The following DHX35 variants were observed in gnomAD, a reference collection of about 807,000 sequenced individuals.
The protein encoded by DHX35 is probable ATP-dependent RNA helicase DHX35.
Under a neutral mutation model 99.6 loss-of-function variants are expected in DHX35, and 84 were observed. That is an observed-to-expected ratio of 0.84 (90% CI 0.71 to 1.01). The LOEUF is 1.01. Among genes scored for constraint, DHX35 ranks in the 50% least tolerant of loss-of-function variants. The pLI is 0.00. For missense variants in DHX35, 852 were observed against 888.5 expected (o/e 0.96, Z 0.52); for synonymous variants, 331 against 316.2 (o/e 1.05, Z -0.50).
chr20:39,022,849 A>G (rs1223343033), intron 16 of DHX35, among the ~76,000 whole-genome samples: 1 of 152,254 alleles, frequency 6.6e-6, no homozygotes, highest in African/African-American at 2.4e-5. Flanking sequence ...ACTCAGAAGT[A>G]AGGTGTGTTG....
intron 17 of DHX35, among the ~76,000 whole-genome samples, chr20:39,024,839 G>A (rs1246865499): frequency 1.3e-5 from 2 of 152,130 alleles, no homozygotes; most frequent in African/African-American, 4.8e-5. Context: ...TTCTACATTG[G>A]CAAGTGTCAT....
intron 14 of DHX35, 77 bp downstream of exon 14, chr20:39,015,011 G>A (rs543247621): frequency 8.7e-5 from 133 of 1,536,366 alleles, no homozygotes; most frequent in Non-Finnish European, 1.1e-4. Context: ...ATTCACTTTA[G>A]GGATTTTAGT....
chr20:39,002,705 T>C, intron 9 of DHX35, 67 bp from the exon 10 acceptor site: 1 of 1,407,718 alleles, frequency 7.1e-7, no homozygotes, highest in Non-Finnish European at 1.0e-6. Flanking sequence ...TGCCAGATTA[T>C]TAGGGTAATT....
intron 3 of DHX35, among the ~76,000 whole-genome samples, chr20:38,973,101 G>A (rs899820239): frequency 6.6e-6 from 1 of 152,194 alleles, no homozygotes; most frequent in Non-Finnish European, 1.5e-5. Flanking sequence ...ATCAAGAAAG[G>A]CCTTGTAAAG....
chr20:39,006,132 T>C lies in DHX35; in HGVS notation c.1012-14T>C. ...ATAAAATGAGTTTTATTCTTCTTTC[T>C]GTGGGGAACGTAGGTGATAGTGGCC... On this transcript the variant is annotated splice_polypyrimidine_tract_variant and intron_variant, in intron 11 of 21. Coordinates refer to ENST00000252011, the MANE Select transcript of DHX35 (RefSeq NM_021931.4). The C allele has an allele frequency of 6.2e-7, 1 of 1,604,024 alleles. No individual in the cohort carries two copies. Among genetic ancestry groups the C allele is most frequent in the Non-Finnish European group, 8.5e-7 (1 of 1,171,678 alleles).
chr20:39,025,456 G>A, intron 18 of DHX35, 97 bp downstream of exon 18: 5 of 1,469,634 alleles, frequency 3.4e-6, no homozygotes, highest in Non-Finnish European at 4.6e-6. Context: ...AGGCAGTGTG[G>A]CGTGCTCTGT....
chr20:39,035,350 G>A (rs1327277295), intron 21 of DHX35, among the ~76,000 whole-genome samples: 1 of 152,258 alleles, frequency 6.6e-6, no homozygotes, highest in Admixed American at 6.5e-5. Flanking sequence ...GGGATTACAG[G>A]TGTGAGCCAC....
chr20:38,974,410 T>C (rs1470201257), intron 3 of DHX35, among the ~76,000 whole-genome samples: 1 of 152,174 alleles, frequency 6.6e-6, no homozygotes, highest in Non-Finnish European at 1.5e-5. Context: ...AATAGATGGA[T>C]ATTTGTGATG....
chr20:38,992,565 A>T (rs2086356842), intron 7 of DHX35, 140 bp downstream of exon 7: 1 of 760,606 alleles, frequency 1.3e-6, no homozygotes, highest in East Asian at 2.6e-5. Context: ...CATTCAGAGA[A>T]TATCAGTGGT....
chr20:38,988,767 A>C, intron 4 of DHX35, 46 bp from the exon 5 acceptor site: 1 of 1,611,474 alleles, frequency 6.2e-7, no homozygotes, highest in Non-Finnish European at 8.5e-7. Flanking sequence ...TGCGCTGTGC[A>C]GTAATTTCTA....
intron 21 of DHX35, among the ~76,000 whole-genome samples, chr20:39,034,651 G>A (rs1013774953): frequency 4.0e-5 from 6 of 150,144 alleles, no homozygotes; most frequent in Admixed American, 1.3e-4. Flanking sequence ...GCAGTGGCAC[G>A]ATCATGGCTC....
intron 16 of DHX35, 129 bp from the exon 17 acceptor site, chr20:39,023,561 C>T (rs1349627709): frequency 8.0e-6 from 6 of 745,604 alleles, no homozygotes; most frequent in Admixed American, 2.2e-5. Context: ...CTATGTTGCC[C>T]AGGCTGGTCT....
intron 2 of DHX35, 73 bp from the exon 3 acceptor site, chr20:38,972,486 A>G: frequency 1.1e-6 from 1 of 933,884 alleles, no homozygotes; most frequent in Admixed American, 2.3e-5. Flanking sequence ...TCATTTCACA[A>G]TGTTTAAATA....
intron 2 of DHX35, among the ~76,000 whole-genome samples, chr20:38,970,097 G>GTCTA (rs1419226035): frequency 1.3e-5 from 2 of 152,106 alleles, no homozygotes; most frequent in Admixed American, 1.3e-4. Context: ...CTGTCTGTCT[G>GTCTA]TCTATCTATC....
chr20:39,025,910 T>C (rs1335702896), intron 18 of DHX35, among the ~76,000 whole-genome samples: 1 of 152,184 alleles, frequency 6.6e-6, no homozygotes, highest in Non-Finnish European at 1.5e-5. Context: ...ATTCTCTTGC[T>C]CAATCTCGCA....
At chr20:39,020,054 G>T (rs1180377478) in intron 15 of DHX35, among the ~76,000 whole-genome samples, 2 of 152,126 alleles carry the variant, frequency 1.3e-5, no homozygotes, top group African/African-American at 4.8e-5. Flanking sequence ...ATGCTGTCAT[G>T]AATGACAGTG....
intron 6 of DHX35, among the ~76,000 whole-genome samples, chr20:38,992,024 G>T (rs2086346505): frequency 6.6e-6 from 1 of 152,204 alleles, no homozygotes; most frequent in Non-Finnish European, 1.5e-5. Context: ...TCTTCAGATG[G>T]TTGGGCTTTG....
At chr20:39,033,259 A>G (rs893141520) in intron 20 of DHX35, among the ~76,000 whole-genome samples, 5 of 152,098 alleles carry the variant, frequency 3.3e-5, no homozygotes, top group African/African-American at 1.2e-4. Context: ...TTTTTAAATC[A>G]AGAGAGATGC....
intron 9 of DHX35, 145 bp from the exon 10 acceptor site, chr20:39,002,627 T>C (rs1340093365): frequency 1.7e-6 from 1 of 581,750 alleles, no homozygotes; most frequent in Admixed American, 3.4e-5. Flanking sequence ...AAAAAATGAA[T>C]ATTTATTTTG....
Sources: allele counts gnomAD v4.1 joint callset (sites outside exome capture counted in the v4.1 genomes callset), GRCh38; gene constraint gnomAD v4.1.1; transcripts MANE v1.5; gene names NCBI Gene and HGNC (gene_info 2026-07-23, HGNC 2026-07-21).